RAPGEF5: variants seen among roughly 807,000 people sequenced by gnomAD.
The protein encoded by RAPGEF5 is M-Ras-regulated GEF.
In RAPGEF5, 65 loss-of-function variants were observed where a neutral mutation model predicts 125.2. That is an observed-to-expected ratio of 0.52 (90% CI 0.43 to 0.64). RAPGEF5 has a LOEUF of 0.64. RAPGEF5 is among the 30% of genes least tolerant of loss of function. The probability of loss-of-function intolerance (pLI) is 0.00; values close to 1 mark genes in which losing one functional copy is unlikely to be tolerated. For synonymous variants in RAPGEF5, 391 were observed against 385.9 expected, an observed-to-expected ratio of 1.01 and a Z score of -0.16; for missense variants, 958 against 1,048.1, an observed-to-expected ratio of 0.91 and a Z score of 1.19.
intron 6 of RAPGEF5, 45 bp from the exon 7 acceptor site, chr7:22,267,057 T>C (rs1467434937): frequency 6.5e-7 from 1 of 1,538,940 alleles, no homozygotes. Flanking sequence ...AGAAGAAAAA[T>C]GTAGCCATCA....
intron 5 of RAPGEF5, among the ~76,000 whole-genome samples, chr7:22,297,590 C>A (rs986746218): frequency 1.3e-5 from 2 of 152,232 alleles, no homozygotes; most frequent in Non-Finnish European, 1.5e-5. Flanking sequence ...TAACGAACCA[C>A]CTCTTCCATC....
intron 9 of RAPGEF5, among the ~76,000 whole-genome samples, chr7:22,219,146 G>A (rs1436005719): frequency 6.6e-6 from 1 of 152,124 alleles, no homozygotes; most frequent in East Asian, 1.9e-4. Flanking sequence ...AGCACTGAGA[G>A]TGAAGTCTCA....
chr7:22,145,174 T>C lies in RAPGEF5; in HGVS notation c.2056A>G (p.Thr686Ala). 3 of 1,613,502 alleles carry C rather than the reference T, an allele frequency of 1.9e-6. No homozygotes were observed. The highest frequency in any genetic ancestry group is 1.3e-5 in the African/African-American group (1 of 75,076). The change falls in exon 20 of 26, where the codon ACT becomes GCT. Residue 686 changes from threonine (T) to alanine (A), a missense_variant. By Grantham distance (58) the Thr-to-Ala change is moderately conservative. Transcript: ENST00000665637. ...TGGAGCAGAAGGCTGAGATTTGCAGTGTGTTCCCCACTTCCCTGTCTGCTG... is the reference window on the plus strand; with the variant it reads ...TGGAGCAGAAGGCTGAGATTTGCAGCGTGTTCCCCACTTCCCTGTCTGCTG... ...TFSRQGSGEH[T>A]ANLSLLLQRC... is the part of the protein sequence containing the mutation.
rs902603222 is a variant in RAPGEF5 at position 22,118,295 on chromosome 7, G to A, written c.*4111C>T. The A allele has an allele frequency of 6.6e-6, 1 of 152,236 alleles. No homozygotes were observed. The highest frequency in any genetic ancestry group is 6.6e-5 in the Admixed American group (1 of 15,250). The allele number at this position is 152,236 out of a possible 1,614,324, so 9.4% of individuals were successfully genotyped here. A position where few individuals can be genotyped will look rare whatever the true frequency, so the allele number is the denominator to read the frequency against. ...TCACAGAGAAAGCAAGAAACTAAGAGGCATGAATAGTGTCTTTAACATAGT... is the reference window on the plus strand; with the variant it reads ...TCACAGAGAAAGCAAGAAACTAAGAAGCATGAATAGTGTCTTTAACATAGT... On this transcript the variant is annotated 3_prime_UTR_variant, in exon 26 of 26. Transcript: ENST00000665637.
intron 21 of RAPGEF5, among the ~76,000 whole-genome samples, chr7:22,138,115 T>C (rs1052728125): frequency 2.6e-4 from 39 of 152,044 alleles, no homozygotes; most frequent in Middle Eastern, 3.4e-3. Context: ...TGCAACTGAT[T>C]CCAATCTTTC....
At chr7:22,316,481 ATATATATATTT>A (rs1411695963) in intron 2 of RAPGEF5, among the ~76,000 whole-genome samples, 996 of 42,384 alleles carry the variant, frequency 0.023, 5 homozygotes, top group African/African-American at 0.042. Context: ...ATATATATAT[ATATATATATTT>A]TTTTTTTTTT....
At chr7:22,169,250 T>C (rs1784267003) in intron 11 of RAPGEF5, among the ~76,000 whole-genome samples, 1 of 152,120 alleles carries the variant, frequency 6.6e-6, no homozygotes. Context: ...GTTTCAAATA[T>C]ATGAACAAGG....
At chr7:22,236,735 G>A (rs1303825045) in intron 7 of RAPGEF5, among the ~76,000 whole-genome samples, 4 of 152,148 alleles carry the variant, frequency 2.6e-5, no homozygotes, top group African/African-American at 9.7e-5. Context: ...TCCATCCCCA[G>A]AATGGAAGTC....
chr7:22,352,025 G>A (rs947797340), intron 1 of RAPGEF5, among the ~76,000 whole-genome samples: 2 of 152,214 alleles, frequency 1.3e-5, no homozygotes, highest in African/African-American at 4.8e-5. Flanking sequence ...GGTGGTTAAA[G>A]AGAATTAGGC....
Position 22,140,041 on chromosome 7 carries a change from A to G in RAPGEF5, c.2261T>C (p.Leu754Pro). 6.4e-7 allele frequency: 1 copy of G among 1,567,520 alleles called. No homozygotes were observed. Among genetic ancestry groups the G allele is most frequent in the East Asian group, 2.4e-5 (1 of 42,190 alleles). Residue 754 changes from leucine to proline, a missense_variant, in exon 21 of 26, where the codon CTG becomes CCG. Transcript: ENST00000665637. ...AAGGCTCACCTCCCAGGTCTGCGACAGTCGACTGACAGAAGCAGTGTTGAG... is the reference window on the plus strand; with the variant it reads ...AAGGCTCACCTCCCAGGTCTGCGACGGTCGACTGACAGAAGCAGTGTTGAG... ...MGLNTASVSR[L>P]SQTWEKIPGK...
chr7:22,291,194 A>G lies in RAPGEF5; in HGVS notation c.728T>C (p.Leu243Pro). The change falls in exon 6 of 26, where the codon CTT (leucine) becomes CCT (proline). Residue 243 changes from leucine to proline, a missense_variant. Transcript: ENST00000665637. ...TCTTACCGCAGATGTTAGACGCACAAGAATTTCATCACTGCTTTCTTCGGA... is the reference window on the plus strand; with the variant it reads ...TCTTACCGCAGATGTTAGACGCACAGGAATTTCATCACTGCTTTCTTCGGA... ...EDSEESSDEILVRLTSAVQRE... is the reference protein window; with the variant it reads ...EDSEESSDEIPVRLTSAVQRE... The G allele has an allele frequency of 6.3e-7, 1 of 1,589,974 alleles. No individual in the cohort carries two copies. The highest frequency in any genetic ancestry group is 8.6e-7 in the Non-Finnish European group (1 of 1,169,070).
At chr7:22,169,695 T>TA (rs34238182) in intron 11 of RAPGEF5, among the ~76,000 whole-genome samples, 151 of 127,126 alleles carry the variant, frequency 1.2e-3, no homozygotes, top group South Asian at 0.01. Context: ...TCTCTACTGT[T>TA]AAAAAAAAAA....
chr7:22,300,871 CT>C (rs1488656294), intron 5 of RAPGEF5, among the ~76,000 whole-genome samples: 4 of 152,200 alleles, frequency 2.6e-5, no homozygotes, highest in Non-Finnish European at 5.9e-5. Flanking sequence ...CCCCATCACA[CT>C]CTTCAAAACT....
chr7:22,198,514 A>C (rs1416372333), intron 9 of RAPGEF5, among the ~76,000 whole-genome samples: 3 of 152,230 alleles, frequency 2.0e-5, no homozygotes, highest in Admixed American at 2.0e-4. Context: ...TACTTAAGAT[A>C]ATATAAGTAT....
chr7:22,356,570 G>A, intron 1 of RAPGEF5: 2 of 168,280 alleles, frequency 1.2e-5, no homozygotes, highest in Non-Finnish European at 2.4e-5. Flanking sequence ...GCCCGGTCCC[G>A]CAGCCTGAAT....
intron 9 of RAPGEF5, among the ~76,000 whole-genome samples, chr7:22,195,406 T>C (rs1242017004): frequency 6.6e-6 from 1 of 152,232 alleles, no homozygotes; most frequent in African/African-American, 2.4e-5. Flanking sequence ...CAGGATTTTC[T>C]TAAAAACGAA....
intron 1 of RAPGEF5, among the ~76,000 whole-genome samples, chr7:22,336,188 G>C (rs1447129145): frequency 1.3e-5 from 2 of 152,120 alleles, no homozygotes; most frequent in African/African-American, 4.8e-5. Flanking sequence ...TCTTCAGAAA[G>C]AGACCAATCT....
At chr7:22,151,826 T>G (rs142744591) in intron 17 of RAPGEF5, among the ~76,000 whole-genome samples, 1 of 152,196 alleles carries the variant, frequency 6.6e-6, no homozygotes, top group Admixed American at 6.5e-5. Context: ...TCTGTTTACT[T>G]TGTGTTTCTT....
rs141537543 is a variant in RAPGEF5 at position 22,134,908 on chromosome 7, C to T, written c.2416+1130G>A. ...TTTCGGCTTGGATGACGCATCTGTG[C>T]ATATCTATCTCCATTGTCCTAATAT... On this transcript the variant is annotated intron_variant, in intron 23 of 25. Transcript: ENST00000665637. Among the ~76,000 whole-genome samples, 748 of 152,306 alleles carry T rather than the reference C, an allele frequency of 4.9e-3. 5 individuals carry two copies. The highest frequency in any genetic ancestry group is 8.3e-3 in the Non-Finnish European group (568 of 68,026).
Sources: gnomAD v4.1 joint callset for allele counts (sites outside exome capture counted in the v4.1 genomes callset) on GRCh38, gnomAD v4.1.1 for gene constraint, MANE v1.5 for transcripts, NCBI Gene and HGNC (gene_info 2026-07-23, HGNC 2026-07-21) for gene names.